The following KCMF1 variants were observed in gnomAD, a reference collection of about 807,000 sequenced individuals.
The protein encoded by KCMF1 is E3 ubiquitin-protein ligase KCMF1.
Under a neutral mutation model 41.1 loss-of-function variants are expected in KCMF1, and 3 were observed. That is an observed-to-expected ratio of 0.07 (90% CI 0.03 to 0.19). KCMF1 has a LOEUF of 0.19. Among genes scored for constraint, KCMF1 ranks in the 10% least tolerant of loss-of-function variants. The probability of loss-of-function intolerance (pLI) is 1.00; values close to 1 mark genes in which losing one functional copy is unlikely to be tolerated. For missense variants in KCMF1, 286 were observed against 488.9 expected (o/e 0.58, Z 3.91); for synonymous variants, 142 against 164.5 (o/e 0.86, Z 1.04).
At chr2:85,037,881 G>A (rs935421045) in intron 3 of KCMF1, among the ~76,000 whole-genome samples, 77 of 152,184 alleles carry the variant, frequency 5.1e-4, no homozygotes, top group African/African-American at 1.8e-3. Context: ...ATTACCGCCT[G>A]AACTCCACTC....
At chr2:84,983,220 G>A (rs1673809567) in intron 1 of KCMF1, among the ~76,000 whole-genome samples, 1 of 152,088 alleles carries the variant, frequency 6.6e-6, no homozygotes. Context: ...AAAAAAGGAG[G>A]TGAAATTAAT....
chr2:85,010,537 G>A (rs1011150024), intron 1 of KCMF1, among the ~76,000 whole-genome samples: 2 of 152,116 alleles, frequency 1.3e-5, no homozygotes, highest in African/African-American at 4.8e-5. Flanking sequence ...GTCATTGTCC[G>A]GTGCACCACT....
chr2:85,047,614 C>G (rs951114879), intron 5 of KCMF1, among the ~76,000 whole-genome samples: 108 of 133,610 alleles, frequency 8.1e-4, no homozygotes, highest in Non-Finnish European at 1.6e-3. Flanking sequence ...AAAAAAAAAA[C>G]ACAGTTTTTG....
chr2:84,977,835 A>G lies in KCMF1; in HGVS notation c.16+6368A>G, dbSNP rs1340387906. ...CACATTTTAATTTCTGGGGTCTTTG[A>G]TTTCATAATTTCATTTAAAGTTCAT... is the stretch of plus-strand genomic sequence containing the variant. On this transcript the variant is annotated intron_variant, in intron 1 of 6. Transcript: ENST00000409785. Among the ~76,000 whole-genome samples the G allele has an allele frequency of 2.6e-5, 4 of 152,098 alleles. No homozygotes were observed. The East Asian group carries it at 7.7e-4, about 29-fold the overall frequency.
intron 3 of KCMF1, among the ~76,000 whole-genome samples, chr2:85,035,872 C>G (rs781463358): frequency 6.6e-6 from 1 of 152,158 alleles, no homozygotes; most frequent in South Asian, 2.1e-4. Flanking sequence ...TTATATGGAA[C>G]TATAGATACT....
In KCMF1 at chr2:85,008,289, A is replaced by AATATATATAATATATAATATGAT. The variant is rs1172214362; in HGVS notation, c.17-19591_17-19569dup. ...ATATATAATATATAATATGATATAT[A>AATATATATAATATATAATATGAT]ATATATATAATATATAATATGATAT... On this transcript the variant is annotated intron_variant, in intron 1 of 6. Transcript: ENST00000409785. Among the ~76,000 whole-genome samples the AATATATATAATATATAATATGAT allele has an allele frequency of 8.1e-5, 4 of 49,652 alleles. No homozygotes were observed. The Admixed American group carries it at 1.1e-3, about 13-fold the overall frequency. The allele number at this position is 49,652 out of a possible 152,430, so 32.6% of individuals were successfully genotyped here.
chr2:84,984,973 C>CCATGGCCGGCCAGGTGGCT (rs1673864640), intron 1 of KCMF1, among the ~76,000 whole-genome samples: 2 of 152,094 alleles, frequency 1.3e-5, no homozygotes, highest in Admixed American at 1.3e-4. Flanking sequence ...GCTTGAGCCA[C>CCATGGCCGGCCAGGTGGCT]CATGGCCGGC....
intron 1 of KCMF1, among the ~76,000 whole-genome samples, chr2:84,982,123 A>G (rs905023287): frequency 6.6e-6 from 1 of 152,198 alleles, no homozygotes; most frequent in Non-Finnish European, 1.5e-5. Context: ...TACTTAGAAA[A>G]GAGCTAAAGG....
chr2:85,041,751 C>T (rs115495428), intron 3 of KCMF1, among the ~76,000 whole-genome samples: 3 of 146,960 alleles, frequency 2.0e-5, no homozygotes, highest in Non-Finnish European at 4.5e-5. Flanking sequence ...TTTCTCCAAA[C>T]ATTGCTGGTC....
chr2:84,999,037 CCCATCCATCCAT>C (rs1207642350), intron 1 of KCMF1, among the ~76,000 whole-genome samples: 2 of 133,600 alleles, frequency 1.5e-5, no homozygotes, highest in Admixed American at 7.7e-5. Context: ...CATCCACCCA[CCCATCCATCCAT>C]CCATCCATCC....
At chr2:85,023,521 C>T (rs1049119517) in intron 1 of KCMF1, among the ~76,000 whole-genome samples, 1 of 151,924 alleles carries the variant, frequency 6.6e-6, no homozygotes, top group African/African-American at 2.4e-5. Flanking sequence ...CGGGGTTTCA[C>T]CGTGTTAGCC....
At chr2:84,984,909 G>C (rs1385486069) in intron 1 of KCMF1, among the ~76,000 whole-genome samples, 1 of 151,848 alleles carries the variant, frequency 6.6e-6, no homozygotes, top group Admixed American at 6.6e-5. Flanking sequence ...GGATGGCCTC[G>C]AACTCTTGGG....
chr2:85,037,701 C>T (rs1675436105), intron 3 of KCMF1, among the ~76,000 whole-genome samples: 2 of 152,196 alleles, frequency 1.3e-5, no homozygotes, highest in Non-Finnish European at 2.9e-5. Context: ...TTAACATATT[C>T]CTTTCTAAAT....
chr2:85,019,084 T>G (rs1036835159), intron 1 of KCMF1, among the ~76,000 whole-genome samples: 1 of 152,226 alleles, frequency 6.6e-6, no homozygotes, highest in African/African-American at 2.4e-5. Flanking sequence ...TGATATCTCA[T>G]CAGAAGCAAC....
At chr2:85,006,327 G>C (rs1292280131) in intron 1 of KCMF1, among the ~76,000 whole-genome samples, 2 of 122,770 alleles carry the variant, frequency 1.6e-5, no homozygotes, top group African/African-American at 3.3e-5. Flanking sequence ...TTGAGATGGA[G>C]TCTCGCACTC....
intron 5 of KCMF1, among the ~76,000 whole-genome samples, chr2:85,046,819 G>A (rs1675677402): frequency 6.6e-6 from 1 of 152,078 alleles, no homozygotes; most frequent in Admixed American, 6.6e-5. Context: ...CCGTCATGTG[G>A]TTTTGCTTTC....
At chr2:85,014,917 T>C (rs1674734297) in intron 1 of KCMF1, among the ~76,000 whole-genome samples, 1 of 151,940 alleles carries the variant, frequency 6.6e-6, no homozygotes. Context: ...CTGGGTCTCC[T>C]GGGCTATTGT....
intron 1 of KCMF1, among the ~76,000 whole-genome samples, chr2:84,986,625 C>A (rs1254805164): frequency 6.6e-6 from 1 of 151,830 alleles, no homozygotes; most frequent in Non-Finnish European, 1.5e-5. Context: ...CGCCTGTAAT[C>A]CTAGCACTTT....
intron 2 of KCMF1, among the ~76,000 whole-genome samples, chr2:85,030,968 G>A (rs1412836479): frequency 6.6e-6 from 1 of 152,344 alleles, no homozygotes; most frequent in South Asian, 2.1e-4. Context: ...AAAGTGCTGA[G>A]ATTGCAGGCG....
Sources: gnomAD v4.1 joint callset for allele counts (sites outside exome capture counted in the v4.1 genomes callset) on GRCh38, gnomAD v4.1.1 for gene constraint, MANE v1.5 for transcripts, NCBI Gene and HGNC (gene_info 2026-07-23, HGNC 2026-07-21) for gene names.